Variants in S100A8 observed in about 807,000 individuals in gnomAD.
S100A8 encodes S100 calcium binding protein A8, also known as protein S100-A8.
In S100A8, 1 loss-of-function variant was observed where a neutral mutation model predicts 4.2. The observed-to-expected ratio is 0.24, with a 90% CI of 0.08 to 1.12. The LOEUF (loss-of-function observed/expected upper bound fraction) is 1.12. Among genes scored for constraint, S100A8 ranks in the 50% most tolerant of loss-of-function variants. The pLI, the probability that S100A8 is intolerant of heterozygous loss-of-function variation, is 0.53. For missense variants in S100A8, 96 were observed against 111.8 expected (o/e 0.86, Z 0.64); for synonymous variants, 41 against 44.7 (o/e 0.92, Z 0.33).
At chr1:153,400,317 T>C in the S100A8 span, among the ~76,000 whole-genome samples, 1 of 152,142 alleles carries the variant, frequency 6.6e-6, no homozygotes, top group African/African-American at 2.4e-5. Context: ...ACCTTCAGGC[T>C]CGACATCCCT....
the S100A8 span, chr1:153,416,574 C>A: frequency 8.3e-6 from 4 of 481,258 alleles, no homozygotes; most frequent in Non-Finnish European, 1.7e-5. Flanking sequence ...GTAAGTCTCA[C>A]CTGCCTCTTT....
the S100A8 span, among the ~76,000 whole-genome samples, chr1:153,405,222 T>A: frequency 4.7e-3 from 713 of 151,768 alleles, 4 homozygotes; most frequent in South Asian, 8.0e-3. Context: ...CAGGGTACGC[T>A]TGGGTCACTT....
the S100A8 span, among the ~76,000 whole-genome samples, chr1:153,414,088 A>G: frequency 4.1e-5 from 6 of 147,456 alleles, no homozygotes; most frequent in Admixed American, 2.0e-4. Flanking sequence ...CCTTTTTTTT[A>G]TAAACAGTGA....
rs1310207500 is a variant in S100A8, at chr1:153,390,167, A to G, written c.218T>C (p.Ile73Thr). Residue 73 changes from isoleucine (I) to threonine (T), a missense_variant, in exon 3 of 3, where the codon ATT (isoleucine) becomes ACT (threonine). Coordinates refer to ENST00000368733, the MANE Select transcript of S100A8 (RefSeq NM_002964.5). ...DGAVNFQEFL[I>T]LVIKMGVAAH... ...TGCCACGCCCATCTTTATCACCAGA[A>G]TGAGGAACTCCTGGAAGTTAACTGC... is the stretch of plus-strand genomic sequence containing the variant. The G allele has an allele frequency of 1.9e-6, 3 of 1,614,130 alleles. No individual in the cohort carries two copies. The highest frequency in any genetic ancestry group is 2.5e-6 in the Non-Finnish European group (3 of 1,179,992).
the S100A8 span, among the ~76,000 whole-genome samples, chr1:153,408,432 G>T: frequency 6.6e-6 from 1 of 152,128 alleles, no homozygotes; most frequent in African/African-American, 2.4e-5. Context: ...AGAGAAAAAA[G>T]AGTAAAAAGA....
chr1:153,405,115 G>T, the S100A8 span, among the ~76,000 whole-genome samples: 5 of 151,588 alleles, frequency 3.3e-5, no homozygotes, highest in African/African-American at 1.2e-4. Context: ...TCTCCAGCTT[G>T]CCAGTTTTAC....
chr1:153,417,743 G>T, the S100A8 span, among the ~76,000 whole-genome samples: 10 of 152,014 alleles, frequency 6.6e-5, no homozygotes, highest in African/African-American at 2.4e-4. Context: ...GCTGGTTGAG[G>T]CTGGGGGGTC....
At chr1:153,404,605 AT>A in the S100A8 span, among the ~76,000 whole-genome samples, 8 of 152,140 alleles carry the variant, frequency 5.3e-5, no homozygotes, top group South Asian at 2.1e-4. Flanking sequence ...AGGCATCAAG[AT>A]TTACTTAACC....
At chr1:153,408,371 G>A in the S100A8 span, among the ~76,000 whole-genome samples, 2 of 152,176 alleles carry the variant, frequency 1.3e-5, no homozygotes, top group Non-Finnish European at 2.9e-5. Flanking sequence ...GGAAGAAAGG[G>A]TAGCAGTGAT....
the S100A8 span, chr1:153,417,902 C>T: frequency 1.5e-5 from 13 of 863,382 alleles, no homozygotes; most frequent in Admixed American, 3.0e-5. Context: ...TGGTCCTACC[C>T]TCTCATTTTT....
rs760058550 is a variant in S100A8, at chr1:153,390,168, T to A, written c.217A>T (p.Ile73Phe). ...DGAVNFQEFL[I>F]LVIKMGVAAH... The stretch of plus-strand genomic sequence containing the variant: ...GCCACGCCCATCTTTATCACCAGAA[T>A]GAGGAACTCCTGGAAGTTAACTGCA... The change falls in exon 3 of 3, where the codon ATT becomes TTT. Residue 73 changes from isoleucine to phenylalanine, a missense_variant. Ile to Phe is a conservative substitution (Grantham distance 21, BLOSUM62 0). Transcript: ENST00000368733. 27 of 1,613,976 alleles carry A rather than the reference T, an allele frequency of 1.7e-5. No individual in the cohort carries two copies. The highest frequency in any genetic ancestry group is 2.2e-5 in the Non-Finnish European group (26 of 1,179,958).
chr1:153,391,705 T>C (rs982482673), upstream of S100A8, among the ~76,000 whole-genome samples: 56 of 152,132 alleles, frequency 3.7e-4, no homozygotes, highest in Non-Finnish European at 5.9e-5. Context: ...CTCCACAGCT[T>C]TCCTGTTCTG....
chr1:153,409,624 A>T, the S100A8 span, among the ~76,000 whole-genome samples: 3 of 152,366 alleles, frequency 2.0e-5, no homozygotes, highest in East Asian at 5.8e-4. Flanking sequence ...CCTAATAGAC[A>T]TCTACAGAAC....
the S100A8 span, among the ~76,000 whole-genome samples, chr1:153,413,909 A>G: frequency 6.3e-3 from 956 of 152,338 alleles, 8 homozygotes; most frequent in African/African-American, 0.022. Flanking sequence ...CTCATAAAAA[A>G]GAAAAAACAA....
the S100A8 span, chr1:153,396,802 G>A: frequency 6.6e-6 from 1 of 152,364 alleles, no homozygotes; most frequent in East Asian, 1.9e-4. Context: ...AACCCACCCA[G>A]GCATACAGCC....
At chr1:153,392,751 C>T (rs550231404), upstream of S100A8, among the ~76,000 whole-genome samples, 5 of 152,294 alleles carry the variant, frequency 3.3e-5, no homozygotes, top group Middle Eastern at 3.4e-3. Context: ...TGCTTGGGGT[C>T]CCTCTGCATT....
At position 153,390,064 on chromosome 1, in the gene S100A8, A is replaced by G; in HGVS notation, c.*39T>C. 4 of 1,569,072 alleles carry G rather than the reference A, an allele frequency of 2.5e-6. No individual in the cohort carries two copies. Among genetic ancestry groups the G allele is most frequent in the Non-Finnish European group, 3.5e-6 (4 of 1,152,866 alleles). ...TTGATGACTTTATTATTCTGCAGGT[A>G]CATGTCCAGGGGCCCAGCCTCTGGG... On this transcript the variant is annotated 3_prime_UTR_variant, in exon 3 of 3. Coordinates refer to ENST00000368733, the MANE Select transcript of S100A8 (RefSeq NM_002964.5).
chr1:153,398,865 G>A, the S100A8 span, among the ~76,000 whole-genome samples: 1 of 152,312 alleles, frequency 6.6e-6, no homozygotes, highest in Admixed American at 6.5e-5. Context: ...GATCCACTTG[G>A]AGCTTCGTTC....
chr1:153,422,560 C>T, the S100A8 span: 18 of 984,568 alleles, frequency 1.8e-5, no homozygotes, highest in Non-Finnish European at 2.2e-5. Context: ...CCAAATGTTC[C>T]CCAGAAATTC....
Sources: allele counts gnomAD v4.1 joint callset (sites outside exome capture counted in the v4.1 genomes callset), GRCh38; gene constraint gnomAD v4.1.1; transcripts MANE v1.5; gene names NCBI Gene and HGNC (gene_info 2026-07-23, HGNC 2026-07-21).